Variants in CERK observed in about 807,000 individuals in gnomAD.
CERK encodes acylsphingosine kinase.
Under a neutral mutation model 63.4 loss-of-function variants are expected in CERK, and 39 were observed. The ratio of observed to expected loss-of-function variants is 0.61; its 90% CI spans 0.48 to 0.80. CERK has a LOEUF of 0.80. CERK is among the 30% of genes least tolerant of loss of function. The pLI is 0.00. For missense variants in CERK, 670 were observed against 714.1 expected (o/e 0.94, Z 0.70); for synonymous variants, 302 against 280.0 (o/e 1.08, Z -0.78).
chr22:46,724,549 G>A (rs1166469204), intron 1 of CERK, among the ~76,000 whole-genome samples: 4 of 152,314 alleles, frequency 2.6e-5, no homozygotes, highest in Non-Finnish European at 5.9e-5. Flanking sequence ...ACTTGGCGTG[G>A]CTTTGGCCTG....
intron 5 of CERK, among the ~76,000 whole-genome samples, chr22:46,709,124 A>AG (rs1425200458): frequency 6.6e-6 from 1 of 152,212 alleles, no homozygotes; most frequent in Non-Finnish European, 1.5e-5. Flanking sequence ...TTTCGAGGAC[A>AG]GGGCATCCTT....
intron 10 of CERK, among the ~76,000 whole-genome samples, chr22:46,693,052 C>T (rs2082739438): frequency 6.6e-6 from 1 of 152,142 alleles, no homozygotes; most frequent in Non-Finnish European, 1.5e-5. Flanking sequence ...CTGTACACTG[C>T]CTAGGCTGCC....
chr22:46,702,177 CAAAAAAAAA>C (rs135690), intron 6 of CERK, among the ~76,000 whole-genome samples: 5 of 84,154 alleles, frequency 5.9e-5, no homozygotes, highest in African/African-American at 2.6e-4. Context: ...GACTTCGTCT[CAAAAAAAAA>C]AAAAAAAAGG....
chr22:46,713,508 C>CAAA (rs34168827), intron 3 of CERK, among the ~76,000 whole-genome samples: 144 of 73,684 alleles, frequency 2.0e-3, no homozygotes, highest in East Asian at 2.9e-3. Flanking sequence ...GACTTCATCT[C>CAAA]AAAAAAAAAA....
At chr22:46,712,321 A>G (rs1460768059) in intron 3 of CERK, 28 bp from the exon 4 acceptor site, 7 of 1,607,666 alleles carry the variant, frequency 4.4e-6, no homozygotes, top group Admixed American at 3.4e-5. Flanking sequence ...GTAAATAACA[A>G]CGAAAATAAC....
chr22:46,727,287 C>A (rs996922941), intron 1 of CERK, among the ~76,000 whole-genome samples: 1 of 146,598 alleles, frequency 6.8e-6, no homozygotes, highest in African/African-American at 2.5e-5. Flanking sequence ...GTCTCCTCTT[C>A]TTTTTTTTTT....
chr22:46,703,198 G>T (rs2082796166), intron 6 of CERK, among the ~76,000 whole-genome samples: 1 of 152,208 alleles, frequency 6.6e-6, no homozygotes, highest in African/African-American at 2.4e-5. Flanking sequence ...ATGTGGAAGA[G>T]ACTTGGAAGG....
intron 11 of CERK, among the ~76,000 whole-genome samples, chr22:46,690,415 C>T (rs1321424891): frequency 7.9e-5 from 12 of 151,876 alleles, no homozygotes; most frequent in African/African-American, 2.7e-4. Context: ...CCACCTTTCC[C>T]GGCGCCCACC....
At chr22:46,693,403 C>G (rs767558683) in intron 10 of CERK, 24 bp downstream of exon 10, 1 of 1,605,688 alleles carries the variant, frequency 6.2e-7, no homozygotes, top group South Asian at 1.1e-5. Flanking sequence ...AGTGACAACA[C>G]TGAGCCTGTG....
At chr22:46,722,578 A>C (rs1397084600) in intron 1 of CERK, among the ~76,000 whole-genome samples, 1 of 89,314 alleles carries the variant, frequency 1.1e-5, no homozygotes, top group African/African-American at 4.9e-5. Flanking sequence ...TTTTTTTTTG[A>C]GATGCAGTTT....
chr22:46,712,018 C>T, intron 4 of CERK, 150 bp downstream of exon 4: 1 of 745,836 alleles, frequency 1.3e-6, no homozygotes, highest in Non-Finnish European at 2.1e-6. Context: ...GTCAAGGAGG[C>T]TGAGGTTACA....
At chr22:46,735,833 G>T (rs1601735215) in intron 1 of CERK, among the ~76,000 whole-genome samples, 1 of 152,216 alleles carries the variant, frequency 6.6e-6, no homozygotes, top group Admixed American at 6.5e-5. Flanking sequence ...AAGCATAGAA[G>T]AATCGAACCT....
intron 1 of CERK, among the ~76,000 whole-genome samples, chr22:46,722,631 C>T (rs1014392669): frequency 6.7e-6 from 1 of 150,332 alleles, no homozygotes; most frequent in East Asian, 2.0e-4. Context: ...TCCATCTCGG[C>T]TCACCGCAAC....
In CERK at chr22:46,723,624, A is replaced by G. The variant is rs79775479; in HGVS notation, c.143-2609T>C. On this transcript the variant is annotated intron_variant, in intron 1 of 12. Transcript: ENST00000216264. ...ACAAAGTGAGACTCAGTCTCAGGAAAACAAAAAAAGAAGAAGAAGAATATA... is the reference window on the plus strand; with the variant it reads ...ACAAAGTGAGACTCAGTCTCAGGAAGACAAAAAAAGAAGAAGAAGAATATA... 1.2e-3 allele frequency among the ~76,000 whole-genome samples: 190 copies of G among 152,300 alleles called. 3 individuals are homozygous for G. In the East Asian group the frequency reaches 0.028, roughly 23 times the overall value.
intron 6 of CERK, among the ~76,000 whole-genome samples, chr22:46,706,076 G>T (rs759923107): frequency 4.6e-5 from 7 of 152,252 alleles, no homozygotes; most frequent in Admixed American, 4.6e-4. Flanking sequence ...ACCTTCAGGG[G>T]CTGGGAGCCT....
intron 11 of CERK, among the ~76,000 whole-genome samples, chr22:46,691,220 G>A (rs1398079324): frequency 1.3e-5 from 2 of 151,950 alleles, no homozygotes; most frequent in Non-Finnish European, 1.5e-5. Context: ...GATTACAGGC[G>A]CACGCCACCA....
chr22:46,691,865 C>A, intron 10 of CERK, 88 bp from the exon 11 acceptor site: 2 of 947,544 alleles, frequency 2.1e-6, no homozygotes, highest in Non-Finnish European at 3.2e-6. Context: ...CATTCGGGCT[C>A]TCACCTGCTC....
chr22:46,737,958 C>T, intron 1 of CERK, 49 bp downstream of exon 1: 3 of 1,142,210 alleles, frequency 2.6e-6, no homozygotes, highest in Non-Finnish European at 3.2e-6. Context: ...CCAAGCCGCC[C>T]CCGCTCCCTG....
chr22:46,702,482 A>C (rs1047034921), intron 6 of CERK, among the ~76,000 whole-genome samples: 1 of 152,096 alleles, frequency 6.6e-6, no homozygotes, highest in Non-Finnish European at 1.5e-5. Flanking sequence ...TAGTAGAGGC[A>C]GGGTTTCACC....
Sources: allele counts gnomAD v4.1 joint callset (sites outside exome capture counted in the v4.1 genomes callset), GRCh38; gene constraint gnomAD v4.1.1; transcripts MANE v1.5; gene names NCBI Gene and HGNC (gene_info 2026-07-23, HGNC 2026-07-21).